Variants in ZNF684 observed in about 807,000 individuals in gnomAD.
The protein encoded by ZNF684 is zinc finger protein 684, also known as hypothetical protein MGC27466.
In ZNF684, 13 loss-of-function variants were observed where a neutral mutation model predicts 12.8. The ratio of observed to expected loss-of-function variants is 1.02; its 90% CI spans 0.66 to 1.62. ZNF684 has a LOEUF of 1.62. Ranked by LOEUF, ZNF684 falls within the 40% of genes most tolerant of loss-of-function variation. The pLI is 0.00. For synonymous variants in ZNF684, 118 were observed against 151.8 expected (o/e 0.78, Z 1.64); for missense variants, 384 against 446.9 (o/e 0.86, Z 1.27).
chr1:40,533,990 A>G (rs1042102122), intron 2 of ZNF684, among the ~76,000 whole-genome samples: 1 of 151,554 alleles, frequency 6.6e-6, no homozygotes, highest in African/African-American at 2.4e-5. Context: ...CGCCCAGCTA[A>G]TTTTTGTGTT....
At chr1:40,542,332 T>G (rs749014556) in intron 4 of ZNF684, among the ~76,000 whole-genome samples, 1 of 152,182 alleles carries the variant, frequency 6.6e-6, no homozygotes, top group Non-Finnish European at 1.5e-5. Flanking sequence ...TTCTTTAACT[T>G]ATTCCTTTTC....
At position 40,546,734 on chromosome 1, in the gene ZNF684, G is replaced by A. The variant is rs1161362873; in HGVS notation, c.411G>A (p.Glu137=). ...PMRKKSYKSF[E]KCLPPNLDLL... is the part of the protein sequence containing the mutation. ...GAAAAAAATCATATAAATCGTTTGA[G>A]AAGTGTTTGCCACCTAATTTAGACT... The change falls in exon 5 of 5, where the codon GAG becomes GAA. Residue 137 remains glutamate (E), a synonymous_variant. Coordinates refer to ENST00000372699, the MANE Select transcript of ZNF684 (RefSeq NM_152373.4). The A allele has an allele frequency of 6.2e-7, 1 of 1,613,806 alleles. No homozygotes were observed. Among genetic ancestry groups the A allele is most frequent in the African/African-American group, 1.3e-5 (1 of 74,928 alleles).
At chr1:40,536,285 T>A (rs1053443444) in intron 2 of ZNF684, among the ~76,000 whole-genome samples, 2 of 150,928 alleles carry the variant, frequency 1.3e-5, no homozygotes, top group Non-Finnish European at 2.9e-5. Flanking sequence ...TCCCAGCTAC[T>A]CAGTAGGCTG....
At chr1:40,536,239 A>G (rs1044593046) in intron 2 of ZNF684, among the ~76,000 whole-genome samples, 16 of 151,936 alleles carry the variant, frequency 1.1e-4, no homozygotes, top group Non-Finnish European at 2.1e-4. Context: ...TAAAAATACA[A>G]AAAAATTAGC....
intron 2 of ZNF684, among the ~76,000 whole-genome samples, chr1:40,534,504 G>C (rs1645974344): frequency 6.6e-6 from 1 of 151,376 alleles, no homozygotes; most frequent in Non-Finnish European, 1.5e-5. Flanking sequence ...GCCTCCCAAA[G>C]TGCTGGGATT....
chr1:40,547,085 G>A lies in ZNF684; in HGVS notation c.762G>A (p.Trp254Ter), dbSNP rs781088449. 2.5e-6 allele frequency: 4 copies of A among 1,614,042 alleles called. No homozygotes were observed. The highest frequency in any genetic ancestry group is 3.4e-6 in the Non-Finnish European group (4 of 1,180,038). The change falls in exon 5 of 5, where the codon TGG (tryptophan) becomes TGA (stop). Residue 254 changes from tryptophan (W) to a stop codon, truncating the protein, a stop_gained. Coordinates refer to ENST00000372699, the MANE Select transcript of ZNF684 (RefSeq NM_152373.4). LOFTEE classifies it low-confidence loss of function (END_TRUNC). The stretch of plus-strand genomic sequence containing the variant: ...GTCAATGTGGGAAAACATTCACTTG[G>A]AACTCCTCATTTAATCAACACGTGA... ...ECSQCGKTFT[W>*]NSSFNQHVKS...
intron 4 of ZNF684, among the ~76,000 whole-genome samples, chr1:40,545,484 A>G (rs1345175119): frequency 6.6e-6 from 1 of 152,246 alleles, no homozygotes; most frequent in Non-Finnish European, 1.5e-5. Context: ...TATTTTTCAT[A>G]TATAGAAACT....
chr1:40,545,733 G>A (rs1461633133), intron 4 of ZNF684, among the ~76,000 whole-genome samples: 2 of 152,014 alleles, frequency 1.3e-5, no homozygotes, highest in Non-Finnish European at 2.9e-5. Context: ...AAAGGAAACT[G>A]ATACTGTGCA....
intron 4 of ZNF684, among the ~76,000 whole-genome samples, chr1:40,545,915 CTTTTTTTTTTTTTTTTT>C (rs55993619): frequency 1.5e-5 from 1 of 67,906 alleles, no homozygotes; most frequent in Non-Finnish European, 2.7e-5. Context: ...GTCTCCTTTT[CTTTTTTTTTTTTTTTTT>C]TTTTTTTTGG....
At chr1:40,536,003 TAAC>T (rs1367324148) in intron 2 of ZNF684, among the ~76,000 whole-genome samples, 1 of 152,240 alleles carries the variant, frequency 6.6e-6, no homozygotes, top group Non-Finnish European at 1.5e-5. Context: ...ACAATGGTCT[TAAC>T]TATCTCTTTT....
At chr1:40,536,406 AAAAG>A (rs1211888544) in intron 2 of ZNF684, among the ~76,000 whole-genome samples, 79 of 150,978 alleles carry the variant, frequency 5.2e-4, no homozygotes, top group African/African-American at 1.6e-3. Context: ...AAAAAAAAAA[AAAAG>A]AAAAAAAAAA....
At chr1:40,536,461 T>G (rs16827362) in intron 2 of ZNF684, among the ~76,000 whole-genome samples, 8,434 of 150,678 alleles carry the variant, frequency 0.056, 340 homozygotes, top group African/African-American at 0.1. Context: ...GTGTTCCTAT[T>G]TTATTATGCT....
At chr1:40,534,886 G>A (rs1217418671) in intron 2 of ZNF684, among the ~76,000 whole-genome samples, 1 of 152,062 alleles carries the variant, frequency 6.6e-6, no homozygotes, top group Non-Finnish European at 1.5e-5. Flanking sequence ...CCAGCTACTA[G>A]GTAGGCTAGG....
rs1249400197 is a variant in ZNF684 at position 40,547,043 on chromosome 1, G to T, written c.720G>T (p.Glu240Asp). 7.4e-6 allele frequency: 12 copies of T among 1,614,100 alleles called. No homozygotes were observed. The highest frequency in any genetic ancestry group is 1.0e-5 in the Non-Finnish European group (12 of 1,180,058). The change falls in exon 5 of 5, where the codon GAG becomes GAT. Residue 240 changes from glutamate (E) to aspartate (D), a missense_variant. By Grantham distance (45) the Glu-to-Asp change is conservative (BLOSUM62 2). Transcript: ENST00000372699. ...TCCACCAGAGACTTCACACTGGAGA[G>T]AAGCCTTATGAGTGCAGTCAATGTG... ...LVVHQRLHTG[E>D]KPYECSQCGK...
At chr1:40,533,283 C>G in intron 2 of ZNF684, 102 bp downstream of exon 2, 2 of 1,216,122 alleles carry the variant, frequency 1.6e-6, no homozygotes, top group Admixed American at 2.2e-5. Flanking sequence ...AATAAAAGAT[C>G]AAGTCTAAAA....
Position 40,547,164 on chromosome 1 carries a change from A to G in ZNF684, c.841A>G (p.Arg281Gly). The change falls in exon 5 of 5, where the codon AGG becomes GGG. Residue 281 changes from arginine to glycine, a missense_variant. By Grantham distance (125) the Arg-to-Gly change is moderately radical. Coordinates refer to ENST00000372699, the MANE Select transcript of ZNF684 (RefSeq NM_152373.4). ...ATGTAAGGAATGTGGGAAAACCTTC[A>G]GGTATAGTTCATCCCTTTATAAACA... Reference protein sequence around the residue: ...FECKECGKTFRYSSSLYKHSR... With the variant: ...FECKECGKTFGYSSSLYKHSR... 6.2e-7 allele frequency: 1 copy of G among 1,614,238 alleles called. No homozygotes were observed. Among genetic ancestry groups the G allele is most frequent in the Non-Finnish European group, 8.5e-7 (1 of 1,180,044 alleles).
rs1570102908 is a variant in ZNF684, at chr1:40,531,746, C to T, written c.-66C>T. 6.6e-6 allele frequency: 1 copy of T among 152,286 alleles called. No individual in the cohort carries two copies. The highest frequency in any genetic ancestry group is 1.5e-5 in the Non-Finnish European group (1 of 68,106). The allele number at this position is 152,286 out of a possible 1,614,324, so 9.4% of individuals were successfully genotyped here. On this transcript the variant is annotated 5_prime_UTR_variant, in exon 1 of 5. Coordinates refer to ENST00000372699, the MANE Select transcript of ZNF684 (RefSeq NM_152373.4). ...GGACGACGCTGTGACTGATCCCAGG[C>T]TTGGAGCCGGAGCTGCGAGCGAGGC...
In ZNF684 at chr1:40,541,703, C is replaced by G. The variant is rs1448576644; in HGVS notation, c.231C>G (p.Ser77Arg). 5 of 1,612,592 alleles carry G rather than the reference C, an allele frequency of 3.1e-6. No individual in the cohort carries two copies. The highest frequency in any genetic ancestry group is 4.2e-6 in the Non-Finnish European group (5 of 1,179,062). Reference protein sequence around the residue: ...WMVEGANPHESSPESDYPLVD... With the variant: ...WMVEGANPHERSPESDYPLVD... ...TGGAGGGAGCGAATCCACACGAGAG[C>G]TCTCCAGGTGAGTGAGAGAAATTCA... Residue 77 changes from serine (S) to arginine (R), a missense_variant, in exon 4 of 5, where the codon AGC (serine) becomes AGG (arginine). By Grantham distance (110) the Ser-to-Arg change is moderately radical. Transcript: ENST00000372699.
In ZNF684 at chr1:40,540,541, G is replaced by A. The variant is rs74926302; in HGVS notation, c.16-45G>A. ...GCTGCCTTGATTCTCTTGCAAGTTC[G>A]CTAGTGATACACACTTTAGTTTGAA... On this transcript the variant is annotated intron_variant, in intron 2 of 4. Transcript: ENST00000372699. The A allele has an allele frequency of 2.0e-3, 3,065 of 1,500,516 alleles. 82 individuals carry two copies. The East Asian group carries it at 0.057, about 28-fold the overall frequency. 93.0% of individuals were successfully genotyped at this position (1,500,516 alleles called of 1,614,324 possible).
Sources: allele counts gnomAD v4.1 joint callset (sites outside exome capture counted in the v4.1 genomes callset), GRCh38; gene constraint gnomAD v4.1.1; transcripts MANE v1.5; gene names NCBI Gene and HGNC (gene_info 2026-07-23, HGNC 2026-07-21).